LRMDA: variants seen among roughly 807,000 people sequenced by gnomAD.
LRMDA encodes the protein leucine-rich melanocyte differentiation-associated protein.
A neutral mutation model predicts 29.8 loss-of-function variants in LRMDA; 18 were observed. The ratio of observed to expected loss-of-function variants is 0.60; its 90% CI spans 0.42 to 0.90. LRMDA has a LOEUF of 0.90. Ranked by LOEUF, LRMDA falls within the 40% of genes least tolerant of loss-of-function variation. The pLI, the probability that LRMDA is intolerant of heterozygous loss-of-function variation, is 0.00. For synonymous variants in LRMDA, 125 were observed against 109.4 expected (o/e 1.14, Z -0.89); for missense variants, 273 against 273.9 (o/e 1.00, Z 0.02).
chr10:75,811,658 A>C (rs1375908023), intron 2 of LRMDA, among the ~76,000 whole-genome samples: 1 of 152,190 alleles, frequency 6.6e-6, no homozygotes, highest in East Asian at 1.9e-4. Flanking sequence ...CAGTCCTTTT[A>C]CAGGTAAGGA....
rs142570348 is a variant in LRMDA at position 76,360,177 on chromosome 10, G to A, written c.601+35692G>A. On this transcript the variant is annotated intron_variant, in intron 6 of 6. Coordinates refer to ENST00000611255, the MANE Select transcript of LRMDA (RefSeq NM_001305581.2). ...CTAATTTTGTATTTTTAGGAGAGAC[G>A]GGGTTTCTCCATGTTGGTCAGGCTG... Among the ~76,000 whole-genome samples, 154 of 152,030 alleles carry A rather than the reference G, an allele frequency of 1.0e-3. 3 individuals carry two copies. The East Asian group carries it at 0.029, about 28-fold the overall frequency.
chr10:75,459,599 A>AAT (rs1435767292), intron 2 of LRMDA, among the ~76,000 whole-genome samples: 6 of 152,340 alleles, frequency 3.9e-5, no homozygotes, highest in Non-Finnish European at 8.8e-5. Context: ...ATGGAATACA[A>AAT]ATATATATAT....
At chr10:76,354,769 G>A (rs186094554) in intron 6 of LRMDA, among the ~76,000 whole-genome samples, 2 of 152,248 alleles carry the variant, frequency 1.3e-5, no homozygotes, top group Non-Finnish European at 2.9e-5. Context: ...TATTAAACCA[G>A]GGTATTTGTG....
At chr10:75,750,483 CGGGGGGTGG>C (rs1319999561) in intron 2 of LRMDA, among the ~76,000 whole-genome samples, 1 of 45,438 alleles carries the variant, frequency 2.2e-5, no homozygotes, top group East Asian at 5.9e-4. Context: ...CCAGACGGGG[CGGGGGGTGG>C]GGGGCAGAGG....
chr10:76,491,379 C>T (rs559936869), intron 6 of LRMDA, among the ~76,000 whole-genome samples: 1 of 152,032 alleles, frequency 6.6e-6, no homozygotes, highest in Non-Finnish European at 1.5e-5. Flanking sequence ...GATGAAATCC[C>T]TCAGCTTTTG....
intron 6 of LRMDA, among the ~76,000 whole-genome samples, chr10:76,371,328 G>A (rs1015521459): frequency 3.9e-5 from 6 of 152,150 alleles, no homozygotes; most frequent in African/African-American, 7.2e-5. Flanking sequence ...AAAATGACAG[G>A]ATTGTCCTCA....
intron 6 of LRMDA, among the ~76,000 whole-genome samples, chr10:76,440,225 C>A (rs1842287469): frequency 6.6e-6 from 1 of 152,182 alleles, no homozygotes; most frequent in Non-Finnish European, 1.5e-5. Context: ...GGAACTTGAG[C>A]AAAGCTCATT....
At chr10:75,988,344 G>C (rs893928203) in intron 2 of LRMDA, among the ~76,000 whole-genome samples, 1 of 151,998 alleles carries the variant, frequency 6.6e-6, no homozygotes, top group African/African-American at 2.4e-5. Context: ...CCACCTTGAA[G>C]GCCGTGAGTC....
Position 76,019,196 on chromosome 10 carries a change from C to T in LRMDA, c.132-16812C>T, listed in dbSNP as rs557250597. Among the ~76,000 whole-genome samples, 3 of 152,308 alleles carry T rather than the reference C, an allele frequency of 2.0e-5. No homozygotes were observed. In the East Asian group the frequency reaches 5.8e-4, roughly 29 times the overall value. On this transcript the variant is annotated intron_variant, in intron 2 of 6. Transcript: ENST00000611255. Reference sequence around the variant, plus strand: ...CACAAATGCTAATATGGCTGTCACTCAGTAGAGTGTGTGCTCTCTGATTCC... The same window carrying T: ...CACAAATGCTAATATGGCTGTCACTTAGTAGAGTGTGTGCTCTCTGATTCC...
chr10:75,463,793 G>A (rs559869873), intron 2 of LRMDA, among the ~76,000 whole-genome samples: 23 of 152,146 alleles, frequency 1.5e-4, no homozygotes, highest in African/African-American at 5.1e-4. Context: ...TTAGCCTCCC[G>A]AGTAGCTAGG....
At chr10:76,216,818 G>A (rs1851737143) in intron 5 of LRMDA, among the ~76,000 whole-genome samples, 2 of 152,156 alleles carry the variant, frequency 1.3e-5, no homozygotes, top group African/African-American at 2.4e-5. Context: ...TGTTCGATAG[G>A]ACGCATGTAA....
chr10:76,198,995 T>C (rs1246538197), intron 5 of LRMDA, among the ~76,000 whole-genome samples: 1 of 152,180 alleles, frequency 6.6e-6, no homozygotes, highest in East Asian at 1.9e-4. Context: ...TTTTATTGAA[T>C]TGGAAGAGGA....
rs1315198197 is a variant in LRMDA, at chr10:75,641,647, C to T, written c.131+203153C>T. ...TGGAGACGGGGTTTTGTCATGTTGCCTACGCTGGTCTGGAATTCCTGGGCT... is the reference window on the plus strand; with the variant it reads ...TGGAGACGGGGTTTTGTCATGTTGCTTACGCTGGTCTGGAATTCCTGGGCT... On this transcript the variant is annotated intron_variant, in intron 2 of 6. Transcript: ENST00000611255. Among the ~76,000 whole-genome samples the T allele has an allele frequency of 3.9e-5, 6 of 151,904 alleles. No homozygotes were observed. In the East Asian group the frequency reaches 9.6e-4, roughly 24 times the overall value.
chr10:75,613,901 C>T (rs1330439006), intron 2 of LRMDA, among the ~76,000 whole-genome samples: 1 of 152,184 alleles, frequency 6.6e-6, no homozygotes, highest in Non-Finnish European at 1.5e-5. Context: ...GTTATTGACA[C>T]CATAGGTTGC....
intron 5 of LRMDA, among the ~76,000 whole-genome samples, chr10:76,252,846 C>T (rs143097698): frequency 1.1e-3 from 174 of 152,238 alleles, no homozygotes; most frequent in Admixed American, 3.0e-3. Context: ...TAATCGCCTT[C>T]GTTTTCTGCA....
chr10:76,542,926 G>A (rs1328964308), intron 6 of LRMDA, among the ~76,000 whole-genome samples: 1 of 152,166 alleles, frequency 6.6e-6, no homozygotes, highest in Non-Finnish European at 1.5e-5. Context: ...ACCAACCACA[G>A]CCATTTTCCA....
At chr10:76,106,576 T>G (rs957845656) in intron 5 of LRMDA, among the ~76,000 whole-genome samples, 1 of 152,224 alleles carries the variant, frequency 6.6e-6, no homozygotes, top group African/African-American at 2.4e-5. Flanking sequence ...AGCATCTATG[T>G]GATCACCCTT....
chr10:76,105,423 G>A (rs954742103), intron 5 of LRMDA, among the ~76,000 whole-genome samples: 4 of 152,008 alleles, frequency 2.6e-5, no homozygotes, highest in African/African-American at 7.2e-5. Flanking sequence ...TTTGGGGGGT[G>A]GGGGGGAAGA....
chr10:76,305,683 T>A (rs1215299817), intron 5 of LRMDA, among the ~76,000 whole-genome samples: 1 of 152,230 alleles, frequency 6.6e-6, no homozygotes, highest in Non-Finnish European at 1.5e-5. Context: ...GACATCAGAC[T>A]TACTGATTAT....
Sources: allele counts gnomAD v4.1 joint callset (sites outside exome capture counted in the v4.1 genomes callset), GRCh38; gene constraint gnomAD v4.1.1; transcripts MANE v1.5; gene names NCBI Gene and HGNC (gene_info 2026-07-23, HGNC 2026-07-21).